Variants in NBAS observed in about 807,000 individuals in gnomAD.
NBAS encodes NAG/BC035112 fusion.
In NBAS, 219 loss-of-function variants were observed where a neutral mutation model predicts 302.5. The observed-to-expected ratio is 0.72, with a 90% CI of 0.65 to 0.81. The LOEUF (loss-of-function observed/expected upper bound fraction) is 0.81. Ranked by LOEUF, NBAS falls within the 30% of genes least tolerant of loss-of-function variation. The pLI is 0.00. For synonymous variants in NBAS, 1,118 were observed against 1,021.6 expected (o/e 1.09, Z -1.80); for missense variants, 2,932 against 2,841.6 (o/e 1.03, Z -0.72).
the NBAS span, among the ~76,000 whole-genome samples, chr2:14,878,453 C>A: frequency 6.6e-6 from 1 of 152,062 alleles, no homozygotes; most frequent in African/African-American, 2.4e-5. Flanking sequence ...CCAAAAGGAG[C>A]CATATCATTG....
rs982166119 is a variant in NBAS at position 15,206,661 on chromosome 2, C to A, written c.6432+12112G>T. On this transcript the variant is annotated intron_variant, in intron 48 of 51. Transcript: ENST00000281513. The stretch of plus-strand genomic sequence containing the variant: ...ATGCAGCCTTGGACATGGTGCCCTG[C>A]ATTCCAGCCACTCAGGCTCCAGCTG... Among the ~76,000 whole-genome samples the A allele has an allele frequency of 2.6e-5, 4 of 152,206 alleles. No individual in the cohort carries two copies. In the South Asian group the frequency reaches 8.3e-4, roughly 31 times the overall value.
At chr2:14,900,065 T>C in the NBAS span, among the ~76,000 whole-genome samples, 1 of 150,676 alleles carries the variant, frequency 6.6e-6, no homozygotes, top group Non-Finnish European at 1.5e-5. Flanking sequence ...AAAAAGTGGT[T>C]AGAAAGAATG....
intron 24 of NBAS, among the ~76,000 whole-genome samples, chr2:15,416,062 C>A (rs984597682): frequency 1.3e-5 from 2 of 150,268 alleles, no homozygotes; most frequent in African/African-American, 2.5e-5. Context: ...TCATCCAGAG[C>A]AAAGAGAAGG....
the NBAS span, among the ~76,000 whole-genome samples, chr2:14,921,203 A>G: frequency 6.6e-6 from 1 of 152,110 alleles, no homozygotes; most frequent in South Asian, 2.1e-4. Context: ...GAGAGATGGG[A>G]GAATGGCCAA....
At chr2:15,106,466 TCTCTCTCTCTCTCA>T in the NBAS span, among the ~76,000 whole-genome samples, 1 of 151,712 alleles carries the variant, frequency 6.6e-6, no homozygotes, top group African/African-American at 2.4e-5. Flanking sequence ...TCTCTCTCTC[TCTCTCTCTCTCTCA>T]CTCTCCAGTC....
At chr2:15,509,224 G>A (rs1011586341) in intron 10 of NBAS, among the ~76,000 whole-genome samples, 3 of 152,006 alleles carry the variant, frequency 2.0e-5, no homozygotes, top group African/African-American at 7.2e-5. Context: ...ATGGGGTGGC[G>A]GGTGCAGAAC....
the NBAS span, among the ~76,000 whole-genome samples, chr2:14,832,029 T>A: frequency 2.0e-5 from 3 of 152,178 alleles, no homozygotes; most frequent in Admixed American, 1.3e-4. Flanking sequence ...GTGCTAGTGA[T>A]CGAGTAGTCT....
chr2:15,354,863 T>C (rs1673536655), intron 33 of NBAS, among the ~76,000 whole-genome samples: 1 of 152,178 alleles, frequency 6.6e-6, no homozygotes, highest in South Asian at 2.1e-4. Flanking sequence ...TACTTATCCC[T>C]CAGCGGTGAT....
intron 11 of NBAS, among the ~76,000 whole-genome samples, chr2:15,490,219 C>T (rs1372423972): frequency 6.6e-6 from 1 of 152,090 alleles, no homozygotes; most frequent in Non-Finnish European, 1.5e-5. Context: ...ACATTTAAGT[C>T]CTCAAGTCTC....
the NBAS span, among the ~76,000 whole-genome samples, chr2:15,098,426 T>C: frequency 0.017 from 1,454 of 86,010 alleles, no homozygotes; most frequent in Non-Finnish European, 0.019. Flanking sequence ...TTGTATATTA[T>C]ATATTATATA....
intron 44 of NBAS, among the ~76,000 whole-genome samples, chr2:15,269,733 CATACCTGGG>C (rs1374851385): frequency 6.6e-6 from 1 of 152,170 alleles, no homozygotes; most frequent in African/African-American, 2.4e-5. Context: ...ATTACAAAAT[CATACCTGGG>C]AAATAAATCC....
At chr2:15,529,449 C>T (rs1255910388) in intron 9 of NBAS, among the ~76,000 whole-genome samples, 2 of 152,036 alleles carry the variant, frequency 1.3e-5, no homozygotes, top group Non-Finnish European at 2.9e-5. Context: ...GCCAAAATCA[C>T]GCACTGGACT....
the NBAS span, among the ~76,000 whole-genome samples, chr2:14,847,374 C>A: frequency 9.8e-6 from 1 of 102,394 alleles, no homozygotes; most frequent in Non-Finnish European, 1.8e-5. Flanking sequence ...CAGAGCAAGA[C>A]TCTATCTTAA....
the NBAS span, among the ~76,000 whole-genome samples, chr2:15,103,326 T>C: frequency 2.0e-5 from 3 of 152,174 alleles, no homozygotes; most frequent in African/African-American, 7.2e-5. Context: ...TTCAACACCA[T>C]GGTTATTACC....
intron 4 of NBAS, among the ~76,000 whole-genome samples, 158 bp from the exon 5 acceptor site, chr2:15,553,631 A>C (rs554431691): frequency 6.9e-4 from 105 of 152,340 alleles, no homozygotes; most frequent in Non-Finnish European, 1.1e-3. Context: ...ATGAGGATAC[A>C]GGTACAAAAG....
At chr2:14,814,417 C>T in the NBAS span, among the ~76,000 whole-genome samples, 1 of 152,338 alleles carries the variant, frequency 6.6e-6, no homozygotes, top group Admixed American at 6.5e-5. Flanking sequence ...TGGGAGCCCA[C>T]CCTTTGCATC....
At chr2:15,468,358 A>G (rs1679813734) in intron 17 of NBAS, 24 bp downstream of exon 17, 1 of 1,613,574 alleles carries the variant, frequency 6.2e-7, no homozygotes, top group African/African-American at 1.3e-5. Flanking sequence ...CTTTACTTTG[A>G]ATCCAATTCT....
chr2:15,470,444 G>A (rs1679908591), intron 16 of NBAS, among the ~76,000 whole-genome samples: 1 of 152,160 alleles, frequency 6.6e-6, no homozygotes, highest in South Asian at 2.1e-4. Flanking sequence ...GATGTACAGA[G>A]CTCATTTATC....
At chr2:14,869,291 C>T in the NBAS span, among the ~76,000 whole-genome samples, 1 of 152,228 alleles carries the variant, frequency 6.6e-6, no homozygotes, top group South Asian at 2.1e-4. Context: ...CCTAGAGCAA[C>T]CATCAACCAC....
Sources: allele counts gnomAD v4.1 joint callset (sites outside exome capture counted in the v4.1 genomes callset), GRCh38; gene constraint gnomAD v4.1.1; transcripts MANE v1.5; gene names NCBI Gene and HGNC (gene_info 2026-07-23, HGNC 2026-07-21).